Variants in FMN1 observed in about 807,000 individuals in gnomAD.
FMN1 encodes formin 1, also known as formin-1.
Under a neutral mutation model 132.4 loss-of-function variants are expected in FMN1, and 110 were observed. That is an observed-to-expected ratio of 0.83 (90% CI 0.71 to 0.97). The LOEUF is 0.97. FMN1 is among the 50% of genes least tolerant of loss of function. The pLI is 0.00. For missense variants in FMN1, 1,792 were observed against 1,705.3 expected, an observed-to-expected ratio of 1.05 and a Z score of -0.90; for synonymous variants, 722 against 651.7, an observed-to-expected ratio of 1.11 and a Z score of -1.64.
At chr15:32,841,214 T>C (rs1247595717) in intron 17 of FMN1, among the ~76,000 whole-genome samples, 1 of 152,212 alleles carries the variant, frequency 6.6e-6, no homozygotes, top group Non-Finnish European at 1.5e-5. Context: ...TTGGATATTG[T>C]CCATTTAATA....
intron 6 of FMN1, among the ~76,000 whole-genome samples, chr15:33,008,669 G>A (rs1191373282): frequency 6.6e-6 from 1 of 152,152 alleles, no homozygotes; most frequent in Non-Finnish European, 1.5e-5. Context: ...TTTAATATGA[G>A]TCTAATAATG....
chr15:32,909,658 G>A (rs1350945114), intron 11 of FMN1, among the ~76,000 whole-genome samples: 1 of 152,160 alleles, frequency 6.6e-6, no homozygotes, highest in Non-Finnish European at 1.5e-5. Flanking sequence ...CATTACTTAA[G>A]AGAATGTGGT....
chr15:32,819,010 G>A (rs1036472243), intron 17 of FMN1, among the ~76,000 whole-genome samples: 1 of 152,042 alleles, frequency 6.6e-6, no homozygotes, highest in Admixed American at 6.5e-5. Context: ...TCCTCCTGTG[G>A]GATGATAACA....
intron 5 of FMN1, among the ~76,000 whole-genome samples, chr15:33,079,996 C>T (rs1419907556): frequency 5.9e-5 from 9 of 152,122 alleles, no homozygotes; most frequent in Non-Finnish European, 1.3e-4. Flanking sequence ...CATTCTTTTT[C>T]TCTTACACAT....
chr15:32,792,275 C>CAAAA (rs11461605), intron 19 of FMN1, among the ~76,000 whole-genome samples: 1 of 111,732 alleles, frequency 8.9e-6, no homozygotes, highest in East Asian at 2.5e-4. Context: ...CAGTCTCTAC[C>CAAAA]AAAAAAAAAA....
intron 8 of FMN1, among the ~76,000 whole-genome samples, chr15:32,967,542 G>C (rs1017477212): frequency 1.3e-5 from 2 of 152,198 alleles, no homozygotes; most frequent in African/African-American, 4.8e-5. Context: ...TAGTACTTTA[G>C]TTAATGGCAG....
chr15:33,066,283 C>A (rs747274387), intron 5 of FMN1, among the ~76,000 whole-genome samples: 1 of 152,194 alleles, frequency 6.6e-6, no homozygotes, highest in African/African-American at 2.4e-5. Context: ...CCTACCTGCA[C>A]ATCTTTGTGT....
intron 7 of FMN1, among the ~76,000 whole-genome samples, chr15:32,979,520 C>T (rs1282727968): frequency 1.5e-5 from 2 of 135,324 alleles, no homozygotes; most frequent in African/African-American, 5.8e-5. Context: ...TGTGCCATTG[C>T]ACTGCAGCCT....
chr15:32,799,589 T>C lies in FMN1; in HGVS notation c.3981-636A>G, dbSNP rs2057409189. Among the ~76,000 whole-genome samples the C allele has an allele frequency of 2.0e-5, 3 of 152,288 alleles. No homozygotes were observed. The South Asian group carries it at 6.2e-4, about 32-fold the overall frequency. Reference sequence around the variant, plus strand: ...CACTGATGTACAAAAACAGATACAGTTGTAGGCATAGCAAGTTTTGGATGA... The same window carrying C: ...CACTGATGTACAAAAACAGATACAGCTGTAGGCATAGCAAGTTTTGGATGA... On this transcript the variant is annotated intron_variant, in intron 18 of 20. Coordinates refer to ENST00000616417, the MANE Select transcript of FMN1 (RefSeq NM_001277313.2).
intron 19 of FMN1, among the ~76,000 whole-genome samples, chr15:32,784,072 C>T (rs953296221): frequency 9.9e-5 from 15 of 152,112 alleles, no homozygotes; most frequent in Non-Finnish European, 2.1e-4. Context: ...TTTTTGACCA[C>T]AGGGATTGAG....
At chr15:32,804,717 G>A (rs2057614752) in intron 17 of FMN1, among the ~76,000 whole-genome samples, 1 of 124,154 alleles carries the variant, frequency 8.1e-6, no homozygotes, top group African/African-American at 3.2e-5. Flanking sequence ...GTGTCCATCT[G>A]TTCTCACTGT....
At chr15:32,896,998 A>G (rs2060175701) in intron 15 of FMN1, among the ~76,000 whole-genome samples, 1 of 152,206 alleles carries the variant, frequency 6.6e-6, no homozygotes, top group Non-Finnish European at 1.5e-5. Flanking sequence ...ACTGTTTTCC[A>G]TAGCAGCTCC....
At chr15:32,944,985 TAG>T (rs1205266401) in intron 9 of FMN1, among the ~76,000 whole-genome samples, 1 of 152,202 alleles carries the variant, frequency 6.6e-6, no homozygotes, top group Non-Finnish European at 1.5e-5. Context: ...GCTTTGATTT[TAG>T]ACTTCTAGAC....
intron 5 of FMN1, among the ~76,000 whole-genome samples, chr15:33,080,527 C>A (rs1219592742): frequency 1.3e-5 from 2 of 152,252 alleles, no homozygotes; most frequent in East Asian, 3.9e-4. Context: ...CCAAGGCGGA[C>A]GGATCACCTG....
At chr15:33,119,225 A>G (rs1351436019) in intron 4 of FMN1, among the ~76,000 whole-genome samples, 2 of 152,176 alleles carry the variant, frequency 1.3e-5, no homozygotes, top group African/African-American at 4.8e-5. Flanking sequence ...AACCCAGAGA[A>G]CAGGCTTCTG....
chr15:33,119,924 C>T (rs774967910), intron 4 of FMN1, among the ~76,000 whole-genome samples: 1 of 152,102 alleles, frequency 6.6e-6, no homozygotes, highest in African/African-American at 2.4e-5. Flanking sequence ...TATATTGTGT[C>T]TTCTATCTAA....
intron 6 of FMN1, among the ~76,000 whole-genome samples, chr15:33,018,978 G>A (rs964833864): frequency 9.2e-5 from 14 of 152,296 alleles, no homozygotes; most frequent in Non-Finnish European, 1.6e-4. Context: ...CCAAAGGAGT[G>A]AGCAGCAGCA....
intron 19 of FMN1, among the ~76,000 whole-genome samples, chr15:32,788,443 T>C (rs1252798960): frequency 1.3e-5 from 2 of 152,182 alleles, no homozygotes; most frequent in Non-Finnish European, 2.9e-5. Context: ...GCTCCCCCTT[T>C]TGGTTTTGAA....
chr15:33,140,193 A>AACACACACACACACACACACAC (rs61485667), intron 4 of FMN1, among the ~76,000 whole-genome samples: 2 of 142,872 alleles, frequency 1.4e-5, no homozygotes, highest in Admixed American at 7.0e-5. Context: ...CCTATGGTTA[A>AACACACACACACACACACACAC]ACACACACAC....
Sources: allele counts gnomAD v4.1 joint callset (sites outside exome capture counted in the v4.1 genomes callset), GRCh38; gene constraint gnomAD v4.1.1; transcripts MANE v1.5; gene names NCBI Gene and HGNC (gene_info 2026-07-23, HGNC 2026-07-21).